The following SAMD4A variants were observed in gnomAD, a reference collection of about 807,000 sequenced individuals.
SAMD4A encodes the protein sterile alpha motif domain containing 4A.
In SAMD4A, 33 loss-of-function variants were observed where a neutral mutation model predicts 81.3. That is an observed-to-expected ratio of 0.41 (90% CI 0.31 to 0.54). The LOEUF is 0.54. SAMD4A is among the 20% of genes least tolerant of loss of function. The pLI, the probability that SAMD4A is intolerant of heterozygous loss-of-function variation, is 0.37. For missense variants in SAMD4A, 854 were observed against 951.1 expected, an observed-to-expected ratio of 0.90 and a Z score of 1.34; for synonymous variants, 389 against 382.1, an observed-to-expected ratio of 1.02 and a Z score of -0.21.
At position 54,601,107 on chromosome 14, in the gene SAMD4A, T is replaced by C. The variant is rs570506591; in HGVS notation, c.196+32995T>C. Among the ~76,000 whole-genome samples, 5 of 152,300 alleles carry C rather than the reference T, an allele frequency of 3.3e-5. No individual in the cohort carries two copies. The East Asian group carries it at 9.6e-4, about 29-fold the overall frequency. ...TTCGAGCTCAGCAGTAGAAAATGGA[T>C]GGTCCCTCCTGACGAATCCATCTGC... is the stretch of plus-strand genomic sequence containing the variant. On this transcript the variant is annotated intron_variant, in intron 2 of 12. Transcript: ENST00000554335.
chr14:54,750,785 AT>A (rs1322534119), intron 5 of SAMD4A, among the ~76,000 whole-genome samples: 4 of 152,240 alleles, frequency 2.6e-5, no homozygotes, highest in Non-Finnish European at 5.9e-5. Context: ...GGCTGAAATT[AT>A]AAAGCCTGGA....
At position 54,574,658 on chromosome 14, in the gene SAMD4A, C is replaced by T. The variant is rs138687880; in HGVS notation, c.196+6546C>T. Among the ~76,000 whole-genome samples the T allele has an allele frequency of 2.2e-4, 33 of 152,278 alleles. No homozygotes were observed. In the East Asian group the frequency reaches 6.0e-3, roughly 28 times the overall value. On this transcript the variant is annotated intron_variant, in intron 2 of 12. Transcript: ENST00000554335. ...ATCTGGTCACCTAGTATTTTCATCC[C>T]GCTTAAGTATGCATAACATTGTAAG...
chr14:54,607,164 T>C (rs2140248357), intron 2 of SAMD4A, among the ~76,000 whole-genome samples: 1 of 152,334 alleles, frequency 6.6e-6, no homozygotes, highest in South Asian at 2.1e-4. Flanking sequence ...CAGAAGAGCA[T>C]GGGCTGTGTC....
At chr14:54,745,042 A>G (rs113273284) in intron 4 of SAMD4A, among the ~76,000 whole-genome samples, 2,575 of 152,264 alleles carry the variant, frequency 0.017, 70 homozygotes, top group African/African-American at 0.058. Context: ...ATCTTCAAGT[A>G]CTGTCAATTT....
intron 11 of SAMD4A, chr14:54,784,254 T>C (rs758542651): frequency 4.6e-6 from 5 of 1,093,638 alleles, no homozygotes; most frequent in Non-Finnish European, 6.8e-6. Flanking sequence ...GGCTGTTACT[T>C]TGATGGGAGG....
At chr14:54,654,975 T>G (rs2035486730) in intron 2 of SAMD4A, among the ~76,000 whole-genome samples, 1 of 152,198 alleles carries the variant, frequency 6.6e-6, no homozygotes, top group Non-Finnish European at 1.5e-5. Context: ...AGACATAAAT[T>G]AGGCTGGATG....
At position 54,760,461 on chromosome 14, in the gene SAMD4A, C is replaced by T. The variant is rs1337550060; in HGVS notation, c.1477C>T (p.Leu493Phe). The T allele has an allele frequency of 7.0e-7, 1 of 1,420,580 alleles. No homozygotes were observed. Among genetic ancestry groups the T allele is most frequent in the Non-Finnish European group, 9.1e-7 (1 of 1,096,620 alleles). 88.0% of individuals were successfully genotyped at this position (1,420,580 alleles called of 1,614,324 possible). The stretch of plus-strand genomic sequence containing the variant: ...CGTCGCCCCCCTGCCAGAGGGGGAC[C>T]TCCCCGGGCAGTTCACACGCGTCAT... ...LAVAPLPEGD[L>F]PGQFTRVMGK... The change falls in exon 7 of 13, where the codon CTC becomes TTC. Residue 493 changes from leucine (L) to phenylalanine (F), a missense_variant. Leu to Phe is a conservative substitution (Grantham distance 22). This residue lies in a region of SAMD4A where 428 missense variants were observed against 471.2 expected (regional missense o/e 0.91). Transcript: ENST00000554335.
chr14:54,680,063 G>T (rs2036093797), intron 2 of SAMD4A, among the ~76,000 whole-genome samples: 1 of 152,176 alleles, frequency 6.6e-6, no homozygotes, highest in Non-Finnish European at 1.5e-5. Context: ...TTCAGATCAT[G>T]GGTGGCTCAT....
chr14:54,700,466 C>T (rs903988520), intron 2 of SAMD4A, among the ~76,000 whole-genome samples: 27 of 152,218 alleles, frequency 1.8e-4, no homozygotes, highest in Admixed American at 2.6e-4. Flanking sequence ...GCAGCACAGG[C>T]TGATGCATTT....
At chr14:54,582,633 C>A (rs1312850849) in intron 2 of SAMD4A, among the ~76,000 whole-genome samples, 2 of 152,094 alleles carry the variant, frequency 1.3e-5, no homozygotes, top group Non-Finnish European at 2.9e-5. Context: ...GGATTGGATC[C>A]TGGATTGGGA....
chr14:54,565,433 C>G (rs868735647), upstream of SAMD4A, among the ~76,000 whole-genome samples: 2 of 152,242 alleles, frequency 1.3e-5, no homozygotes, highest in African/African-American at 4.8e-5. The surrounding 1 kb of genome is among the most constrained non-coding windows in gnomAD (Gnocchi z 5.4). Flanking sequence ...GGAGCCTGCG[C>G]CAGAGCAAAG....
intron 11 of SAMD4A, 80 bp downstream of exon 11, chr14:54,776,620 C>A: frequency 7.2e-7 from 1 of 1,387,652 alleles, no homozygotes; most frequent in Non-Finnish European, 9.4e-7. Flanking sequence ...CCAGAAAGTG[C>A]TTAGCCTCGA....
At chr14:54,753,985 A>G (rs573399283) in intron 6 of SAMD4A, among the ~76,000 whole-genome samples, 7 of 152,382 alleles carry the variant, frequency 4.6e-5, no homozygotes, top group African/African-American at 1.2e-4. Flanking sequence ...AACATTTTGC[A>G]TAAGGATTTC....
At chr14:54,778,963 A>T (rs1393523896) in intron 11 of SAMD4A, among the ~76,000 whole-genome samples, 1 of 151,780 alleles carries the variant, frequency 6.6e-6, no homozygotes, top group African/African-American at 2.4e-5. Flanking sequence ...TGTCAAGGCC[A>T]CAGGTCACTG....
chr14:54,681,179 G>A (rs1594803020), intron 2 of SAMD4A, among the ~76,000 whole-genome samples: 3 of 74,054 alleles, frequency 4.1e-5, no homozygotes, highest in African/African-American at 1.9e-4. Context: ...CCCCCCTCCA[G>A]CCCCCCAGCC....
At chr14:54,616,516 G>T (rs777536827) in intron 2 of SAMD4A, among the ~76,000 whole-genome samples, 6 of 152,192 alleles carry the variant, frequency 3.9e-5, no homozygotes, top group Non-Finnish European at 8.8e-5. Context: ...TAAAGCATGG[G>T]AACGTGGGAA....
chr14:54,659,693 A>C (rs771023137), intron 2 of SAMD4A, among the ~76,000 whole-genome samples: 12 of 152,144 alleles, frequency 7.9e-5, no homozygotes, highest in Admixed American at 1.3e-4. Context: ...TATAATGTGA[A>C]ACCTAAAAAT....
chr14:54,715,141 G>C (rs1407881884), intron 3 of SAMD4A, among the ~76,000 whole-genome samples: 1 of 152,064 alleles, frequency 6.6e-6, no homozygotes, highest in Non-Finnish European at 1.5e-5. Flanking sequence ...ATGAGGCTCT[G>C]TACACACATT....
intron 2 of SAMD4A, among the ~76,000 whole-genome samples, chr14:54,626,656 T>C (rs1484727292): frequency 6.6e-6 from 1 of 152,188 alleles, no homozygotes; most frequent in Admixed American, 6.5e-5. Context: ...CATGTTTGTT[T>C]CCAGTTGCGT....
Sources: allele counts gnomAD v4.1 joint callset (sites outside exome capture counted in the v4.1 genomes callset), GRCh38; gene constraint gnomAD v4.1.1; regional missense constraint gnomAD v4.1.1; non-coding constraint Gnocchi (gnomAD v3.1); transcripts MANE v1.5; gene names NCBI Gene and HGNC (gene_info 2026-07-23, HGNC 2026-07-21).